GATAD2A: variants seen among roughly 807,000 people sequenced by gnomAD.
The protein encoded by GATAD2A is transcriptional repressor p66-alpha.
A neutral mutation model predicts 68.5 loss-of-function variants in GATAD2A; 12 were observed. That is an observed-to-expected ratio of 0.18 (90% confidence interval 0.11 to 0.28). The LOEUF (loss-of-function observed/expected upper bound fraction) is 0.28. GATAD2A is among the 10% of genes least tolerant of loss of function. The pLI is 1.00. For missense variants in GATAD2A, 755 were observed against 868.5 expected (o/e 0.87, Z 1.64); for synonymous variants, 410 against 375.3 (o/e 1.09, Z -1.07).
rs1054444734 is a variant in GATAD2A, at chr19:19,505,779, G to T, written c.*305G>T. On this transcript the variant is annotated 3_prime_UTR_variant, in exon 12 of 12. Coordinates refer to ENST00000683918, the MANE Select transcript of GATAD2A (RefSeq NM_001384528.1). Reference sequence around the variant, plus strand: ...ACCAGCAGAAAAGTGGACCTTGGGGGCTGGTTCTGCTCCTGGCCCCCTTGT... The same window carrying T: ...ACCAGCAGAAAAGTGGACCTTGGGGTCTGGTTCTGCTCCTGGCCCCCTTGT... The T allele has an allele frequency of 1.5e-5, 7 of 462,682 alleles. No individual in the cohort carries two copies. The highest frequency in any genetic ancestry group is 4.1e-5 in the African/African-American group (2 of 48,916). The allele number at this position is 462,682 out of a possible 1,614,324, so 28.7% of individuals were successfully genotyped here. A position where few individuals can be genotyped will look rare whatever the true frequency, so the allele number is the denominator to read the frequency against.
Position 19,462,530 on chromosome 19 carries a change from C to T in GATAD2A, c.-6-2810C>T, listed in dbSNP as rs146312321. Among the ~76,000 whole-genome samples, 16 of 152,338 alleles carry T rather than the reference C, an allele frequency of 1.1e-4. No individual in the cohort carries two copies. The South Asian group carries it at 2.9e-3, about 28-fold the overall frequency. On this transcript the variant is annotated intron_variant, in intron 1 of 11. Coordinates refer to ENST00000683918, the MANE Select transcript of GATAD2A (RefSeq NM_001384528.1). The stretch of plus-strand genomic sequence containing the variant: ...GCGCTGTGAGGCCAGCCGTCAGTGC[C>T]GGGCCTGGGATTGGCAGAGTTCCAG...
At chr19:19,489,713 C>T (rs140931772) in intron 2 of GATAD2A, among the ~76,000 whole-genome samples, 8 of 152,344 alleles carry the variant, frequency 5.3e-5, no homozygotes, top group African/African-American at 1.9e-4. Flanking sequence ...AAGCACACGC[C>T]CTCAATAAGA....
chr19:19,503,336 G>C (rs1050963390), intron 11 of GATAD2A, among the ~76,000 whole-genome samples: 1 of 152,126 alleles, frequency 6.6e-6, no homozygotes, highest in African/African-American at 2.4e-5. Flanking sequence ...GCAGAGTGGT[G>C]GGGGGAGCCT....
At chr19:19,435,275 G>A (rs955112888) in intron 1 of GATAD2A, 1 of 382,092 alleles carries the variant, frequency 2.6e-6, no homozygotes, top group South Asian at 2.1e-5. Flanking sequence ...AGGTTGGAGT[G>A]CAGTGGTGTG....
At chr19:19,432,551 C>T (rs2053872089) in intron 1 of GATAD2A, among the ~76,000 whole-genome samples, 1 of 152,202 alleles carries the variant, frequency 6.6e-6, no homozygotes, top group African/African-American at 2.4e-5. Context: ...TCCACCCCGC[C>T]TCAGCCTCCC....
At chr19:19,463,356 GAGGA>G (rs2057613112) in intron 1 of GATAD2A, among the ~76,000 whole-genome samples, 1 of 152,196 alleles carries the variant, frequency 6.6e-6, no homozygotes, top group Non-Finnish European at 1.5e-5. Context: ...AGGCATGTCG[GAGGA>G]AGGAAGGACA....
intron 1 of GATAD2A, among the ~76,000 whole-genome samples, 197 bp downstream of exon 1, chr19:19,406,216 G>C (rs929142879): frequency 6.8e-6 from 1 of 146,472 alleles, no homozygotes; most frequent in Non-Finnish European, 1.5e-5. Flanking sequence ...AAAGTTCCTT[G>C]CCCCGAGGCG....
At chr19:19,407,217 T>A (rs2050383315) in intron 1 of GATAD2A, among the ~76,000 whole-genome samples, 8 of 152,242 alleles carry the variant, frequency 5.3e-5, no homozygotes, top group Admixed American at 4.6e-4. Context: ...CTTCTGGTAG[T>A]CGTTACAAGT....
rs118182642 is a variant in GATAD2A at position 19,486,217 on chromosome 19, G to A, written c.270-6089G>A. The stretch of plus-strand genomic sequence containing the variant: ...GTAATGGGCTCCCACTCTTTCCTCA[G>A]AAAGCTGTCAGGTCAGGCAGATGTT... On this transcript the variant is annotated intron_variant, in intron 2 of 11. Coordinates refer to ENST00000683918, the MANE Select transcript of GATAD2A (RefSeq NM_001384528.1). 9.7e-3 allele frequency among the ~76,000 whole-genome samples: 1,473 copies of A among 152,348 alleles called. 8 individuals carry two copies. Among genetic ancestry groups the A allele is most frequent in the Middle Eastern group, 0.037 (11 of 294 alleles).
chr19:19,393,592 A>T (rs560280282), intron 1 of GATAD2A, among the ~76,000 whole-genome samples: 6 of 152,298 alleles, frequency 3.9e-5, no homozygotes, highest in Admixed American at 2.0e-4. Context: ...AGACAAATAA[A>T]CAAGCAAATG....
In GATAD2A at chr19:19,507,492, G is replaced by C. The variant is rs2060915055; in HGVS notation, c.*2018G>C. The C allele has an allele frequency of 6.6e-6, 1 of 152,052 alleles. No homozygotes were observed. The highest frequency in any genetic ancestry group is 2.4e-5 in the African/African-American group (1 of 41,402). 9.4% of individuals were successfully genotyped at this position (152,052 alleles called of 1,614,324 possible). On this transcript the variant is annotated 3_prime_UTR_variant, in exon 12 of 12. Transcript: ENST00000683918. The stretch of plus-strand genomic sequence containing the variant: ...GCAGTGGCTGGGGATCAGGCATCCA[G>C]ACCGAAGTCACCTCTGCCTGCTCCA...
In GATAD2A at chr19:19,505,510, TC is replaced by T. The variant is rs1189994361; in HGVS notation, c.*41del. On this transcript the variant is annotated 3_prime_UTR_variant, in exon 12 of 12. Transcript: ENST00000683918. ...GCCCCGTGGAAGACGGGCTCCCTCC[TC>T]CCCCACCTGGCCCCTGGTCTAGAAG... is the stretch of plus-strand genomic sequence containing the variant. The T allele has an allele frequency of 2.0e-6, 3 of 1,537,146 alleles. No homozygotes were observed. The highest frequency in any genetic ancestry group is 1.4e-5 in the African/African-American group (1 of 71,620).
intron 2 of GATAD2A, among the ~76,000 whole-genome samples, chr19:19,473,018 C>T (rs945699085): frequency 1.3e-5 from 2 of 152,202 alleles, no homozygotes; most frequent in Non-Finnish European, 2.9e-5. Flanking sequence ...TGTGGCTCAC[C>T]GTCTCCATTT....
chr19:19,498,593 A>G lies in GATAD2A; in HGVS notation c.1075A>G (p.Thr359Ala). ...KLALRKQLEK[T>A]LLEIPPPKPP... ...GGCGCTGCGCAAACAGCTGGAGAAGACGCTACTCGAGATCCCCCCACCCAA... is the reference window on the plus strand; with the variant it reads ...GGCGCTGCGCAAACAGCTGGAGAAGGCGCTACTCGAGATCCCCCCACCCAA... The change falls in exon 8 of 12, where the codon ACG (threonine) becomes GCG (alanine). Residue 359 changes from threonine (T) to alanine (A), a missense_variant. Thr to Ala is a moderately conservative substitution (Grantham distance 58). Transcript: ENST00000683918. 2.5e-6 allele frequency: 4 copies of G among 1,613,834 alleles called. No individual in the cohort carries two copies. Among genetic ancestry groups the G allele is most frequent in the Non-Finnish European group, 3.4e-6 (4 of 1,179,994 alleles).
intron 11 of GATAD2A, among the ~76,000 whole-genome samples, chr19:19,505,065 C>T (rs1012776172): frequency 1.3e-5 from 2 of 152,238 alleles, no homozygotes; most frequent in Non-Finnish European, 2.9e-5. Context: ...TTCTGTAGAA[C>T]GTAGGTAGCT....
At chr19:19,459,821 G>A (rs2057266647) in intron 1 of GATAD2A, among the ~76,000 whole-genome samples, 1 of 152,256 alleles carries the variant, frequency 6.6e-6, no homozygotes, top group Non-Finnish European at 1.5e-5. Flanking sequence ...GTTCCCTGCT[G>A]TGTCTAGTTG....
rs1264672433 is a variant in GATAD2A at position 19,492,332 on chromosome 19, C to G, written c.296C>G (p.Pro99Arg). ...HSDMKSERRP[P>R]SPDVIVLSDN... The stretch of plus-strand genomic sequence containing the variant: ...GACATGAAGTCCGAGAGGAGACCCC[C>G]CTCACCTGACGTGATTGTGCTCTCC... Residue 99 changes from proline (P) to arginine (R), a missense_variant, in exon 3 of 12, where the codon CCC becomes CGC. By Grantham distance (103) the Pro-to-Arg change is moderately radical. Coordinates refer to ENST00000683918, the MANE Select transcript of GATAD2A (RefSeq NM_001384528.1). 6.2e-7 allele frequency: 1 copy of G among 1,607,768 alleles called. No individual in the cohort carries two copies. Among genetic ancestry groups the G allele is most frequent in the East Asian group, 2.2e-5 (1 of 44,566 alleles).
At chr19:19,445,339 G>GGGTT (rs1238384796) in intron 1 of GATAD2A, among the ~76,000 whole-genome samples, 1 of 152,084 alleles carries the variant, frequency 6.6e-6, no homozygotes. Context: ...AGCTCTAGAG[G>GGGTT]GGTTCATGGC....
At chr19:19,413,212 ACT>A (rs1191595445) in intron 1 of GATAD2A, among the ~76,000 whole-genome samples, 1 of 152,152 alleles carries the variant, frequency 6.6e-6, no homozygotes, top group East Asian at 1.9e-4. Flanking sequence ...GCACAGGCTC[ACT>A]CTGCCAGCAA....
Sources: gnomAD v4.1 joint callset for allele counts (sites outside exome capture counted in the v4.1 genomes callset) on GRCh38, gnomAD v4.1.1 for gene constraint, MANE v1.5 for transcripts, NCBI Gene and HGNC (gene_info 2026-07-23, HGNC 2026-07-21) for gene names.